TMEM245: variants seen among roughly 807,000 people sequenced by gnomAD.
The protein encoded by TMEM245 is protein CG-2.
Under a neutral mutation model 101.2 loss-of-function variants are expected in TMEM245, and 69 were observed. That is an observed-to-expected ratio of 0.68 (90% CI 0.56 to 0.83). The LOEUF (loss-of-function observed/expected upper bound fraction) is 0.83, where lower values mean the gene tolerates loss of function less well. TMEM245 is among the 40% of genes least tolerant of loss of function. TMEM245 has a pLI of 0.00. For missense variants in TMEM245, 1,075 were observed against 1,092.8 expected (o/e 0.98, Z 0.23); for synonymous variants, 537 against 449.8 (o/e 1.19, Z -2.45).
rs760166510 is a variant in TMEM245 at position 109,057,249 on chromosome 9, A to G, written c.1796T>C (p.Ile599Thr). 3 of 1,614,158 alleles carry G rather than the reference A, an allele frequency of 1.9e-6. No individual in the cohort carries two copies. In the South Asian group the frequency reaches 3.3e-5, roughly 18 times the overall value. ...VSRQNSWLGD[I>T]LDWQDIVSFV... is the part of the protein sequence containing the mutation. ...GGAAACAATATCCTGCCAGTCCAGA[A>G]TGTCTCCCAGCCAGCTATTCTGACG... Residue 599 changes from isoleucine (I) to threonine (T), a missense_variant, in exon 12 of 18, where the codon ATT becomes ACT. Ile to Thr is a moderately conservative substitution (Grantham distance 89, BLOSUM62 -1). Around this residue, in one of 2 missense-constraint regions of TMEM245, gnomAD observed 267 missense variants for 351.3 expected, o/e 0.76. Coordinates refer to ENST00000374586, the MANE Select transcript of TMEM245 (RefSeq NM_032012.4).
chr9:109,104,156 T>C (rs1004189627), intron 3 of TMEM245, among the ~76,000 whole-genome samples: 1 of 152,086 alleles, frequency 6.6e-6, no homozygotes. Context: ...CTATAGTCAA[T>C]AATTTAACTG....
In TMEM245 at chr9:109,017,565, T is replaced by C. The variant is rs909461295; in HGVS notation, c.*2895A>G. On this transcript the variant is annotated 3_prime_UTR_variant, in exon 18 of 18. Transcript: ENST00000374586. ...CTTGTATTTTCTCCCCTCCCATCCATTCGGTTTACAACTGAATAGCGAATG... is the reference window on the plus strand; with the variant it reads ...CTTGTATTTTCTCCCCTCCCATCCACTCGGTTTACAACTGAATAGCGAATG... 2.6e-5 allele frequency: 4 copies of C among 152,186 alleles called. No homozygotes were observed. Among genetic ancestry groups the C allele is most frequent in the African/African-American group, 9.6e-5 (4 of 41,454 alleles). 9.4% of individuals were successfully genotyped at this position (152,186 alleles called of 1,614,324 possible). A position where few individuals can be genotyped will look rare whatever the true frequency, so the allele number is the denominator to read the frequency against.
chr9:109,072,584 C>G (rs879262055), intron 9 of TMEM245, among the ~76,000 whole-genome samples: 11 of 152,224 alleles, frequency 7.2e-5, no homozygotes, highest in Non-Finnish European at 1.5e-4. Flanking sequence ...CCTTTGTCGC[C>G]ACCGAACTTC....
intron 14 of TMEM245, among the ~76,000 whole-genome samples, chr9:109,041,453 A>ATTTTTTTTTTTTTTTTTT (rs1193341550): frequency 2.4e-5 from 2 of 83,208 alleles, no homozygotes; most frequent in African/African-American, 1.0e-4. Context: ...CATCCTACAA[A>ATTTTTTTTTTTTTTTTTT]TTTTTTTTTT....
At chr9:109,033,899 TAATTATGC>T (rs796613307) in intron 16 of TMEM245, among the ~76,000 whole-genome samples, 107 of 152,302 alleles carry the variant, frequency 7.0e-4, no homozygotes, top group African/African-American at 2.5e-3. Context: ...GTAATTCAGT[TAATTATGC>T]TTTTATATGA....
chr9:109,088,497 A>G (rs1309354197), intron 5 of TMEM245, among the ~76,000 whole-genome samples: 2 of 152,094 alleles, frequency 1.3e-5, no homozygotes, highest in African/African-American at 4.8e-5. Context: ...CATTTGACAC[A>G]CAGTTTGCCA....
At position 109,020,261 on chromosome 9, in the gene TMEM245, C is replaced by T; in HGVS notation, c.*199G>A. Reference sequence around the variant, plus strand: ...GAGCAAACCACCAACTCTGAACTCTCAAGCTGTGTTTTAAAATACAAAGCA... The same window carrying T: ...GAGCAAACCACCAACTCTGAACTCTTAAGCTGTGTTTTAAAATACAAAGCA... On this transcript the variant is annotated 3_prime_UTR_variant, in exon 18 of 18. Transcript: ENST00000374586. The T allele has an allele frequency of 1.5e-6, 1 of 651,374 alleles. No individual in the cohort carries two copies. 40.3% of individuals were successfully genotyped at this position (651,374 alleles called of 1,614,324 possible).
chr9:109,067,870 G>GTT (rs1829215272), intron 9 of TMEM245, among the ~76,000 whole-genome samples: 1 of 152,152 alleles, frequency 6.6e-6, no homozygotes, highest in South Asian at 2.1e-4. Flanking sequence ...ATTCTTAACT[G>GTT]TATCTTCTCC....
intron 1 of TMEM245, among the ~76,000 whole-genome samples, chr9:109,112,799 C>G (rs765108130): frequency 6.6e-6 from 1 of 152,058 alleles, no homozygotes; most frequent in South Asian, 2.1e-4. Context: ...ATAATTCGGC[C>G]GGGCGCGGTG....
chr9:109,076,597 T>C (rs538010992), intron 8 of TMEM245, among the ~76,000 whole-genome samples: 11 of 151,962 alleles, frequency 7.2e-5, no homozygotes, highest in Non-Finnish European at 1.5e-4. Flanking sequence ...ATACACCCCT[T>C]CCCCGCCAAA....
chr9:109,087,434 AAAC>A (rs1367151391), intron 5 of TMEM245, 92 bp from the exon 6 acceptor site: 1 of 1,240,554 alleles, frequency 8.1e-7, no homozygotes, highest in Non-Finnish European at 1.1e-6. Context: ...AACCTTTCTA[AAAC>A]AACAAAGCTA....
chr9:109,063,124 T>C (rs1265546003), intron 10 of TMEM245, among the ~76,000 whole-genome samples: 1 of 151,350 alleles, frequency 6.6e-6, no homozygotes, highest in Non-Finnish European at 1.5e-5. Context: ...TCATCTAATT[T>C]TTTTTTCTTT....
chr9:109,108,435 AAAAAAG>A lies in TMEM245; in HGVS notation c.697+12_697+17del, dbSNP rs1564211381. 4.2e-6 allele frequency: 6 copies of A among 1,433,552 alleles called. No homozygotes were observed. The highest frequency in any genetic ancestry group is 5.6e-6 in the Non-Finnish European group (6 of 1,067,068). The allele number at this position is 1,433,552 out of a possible 1,614,324, so 88.8% of individuals were successfully genotyped here. ...AGGCTAGACTTAAAAAAAAAAAAAA[AAAAAAG>A]AAGGAACCCACCTAAATGAAAAAGC... On this transcript the variant is annotated intron_variant, in intron 2 of 17. Coordinates refer to ENST00000374586, the MANE Select transcript of TMEM245 (RefSeq NM_032012.4).
Position 109,016,799 on chromosome 9 carries a change from G to A in TMEM245, c.*3661C>T, listed in dbSNP as rs931955331. On this transcript the variant is annotated 3_prime_UTR_variant, in exon 18 of 18. Coordinates refer to ENST00000374586, the MANE Select transcript of TMEM245 (RefSeq NM_032012.4). ...GCTGGAACTAGCATTTGGAAGTAAT[G>A]CTAGCCAGAGGCTATTTCCACTGTG... 1 of 151,886 alleles carries A rather than the reference G, an allele frequency of 6.6e-6. No homozygotes were observed. The highest frequency in any genetic ancestry group is 2.4e-5 in the African/African-American group (1 of 41,364). The allele number at this position is 151,886 out of a possible 1,614,324, so 9.4% of individuals were successfully genotyped here.
intron 1 of TMEM245, among the ~76,000 whole-genome samples, chr9:109,115,669 T>A (rs1271303494): frequency 1.3e-5 from 2 of 151,042 alleles, no homozygotes; most frequent in Non-Finnish European, 2.9e-5. Flanking sequence ...TAGCTGGGAT[T>A]ATGGAGTCGG....
chr9:109,021,826 AGCAAGGAAG>A (rs1452347080), intron 17 of TMEM245, among the ~76,000 whole-genome samples: 1 of 152,126 alleles, frequency 6.6e-6, no homozygotes, highest in Non-Finnish European at 1.5e-5. Context: ...CCCCAAAAAA[AGCAAGGAAG>A]GGAGGGAGGA....
At chr9:109,037,929 T>C (rs1828183502) in intron 15 of TMEM245, 88 bp downstream of exon 15, 1 of 1,115,572 alleles carries the variant, frequency 9.0e-7, no homozygotes, top group Non-Finnish European at 1.3e-6. Context: ...TTTTTTAAAC[T>C]TGAGGAAGTA....
intron 1 of TMEM245, among the ~76,000 whole-genome samples, chr9:109,117,956 G>T (rs1307715208): frequency 6.6e-6 from 1 of 152,240 alleles, no homozygotes; most frequent in African/African-American, 2.4e-5. Context: ...AAAGAGCGCT[G>T]AACTGGGCCT....
rs140776106 is a variant in TMEM245 at position 109,062,749 on chromosome 9, T to C, written c.1623+1728A>G. 5.5e-3 allele frequency among the ~76,000 whole-genome samples: 836 copies of C among 152,278 alleles called. 6 individuals are homozygous for C. Among genetic ancestry groups the C allele is most frequent in the African/African-American group, 0.019 (805 of 41,558 alleles). ...ACTTTGGGAGGCCATGGTGGAAGGA[T>C]TGCGTAAGCACAGGAGTTCGAGACC... On this transcript the variant is annotated intron_variant, in intron 10 of 17. Coordinates refer to ENST00000374586, the MANE Select transcript of TMEM245 (RefSeq NM_032012.4).
Sources: gnomAD v4.1 joint callset for allele counts (sites outside exome capture counted in the v4.1 genomes callset) on GRCh38, gnomAD v4.1.1 for gene constraint, gnomAD v4.1.1 regional missense constraint, MANE v1.5 for transcripts, NCBI Gene and HGNC (gene_info 2026-07-23, HGNC 2026-07-21) for gene names.